The following CSMD1 variants were observed in gnomAD, a reference collection of about 807,000 sequenced individuals.
CSMD1 encodes the protein CUB and sushi domain-containing protein 1.
Under a neutral mutation model 417.5 loss-of-function variants are expected in CSMD1, and 213 were observed. That is an observed-to-expected ratio of 0.51 (90% CI 0.46 to 0.57). The LOEUF is 0.57. Ranked by LOEUF, CSMD1 falls within the 20% of genes least tolerant of loss-of-function variation. The pLI, the probability that CSMD1 is intolerant of heterozygous loss-of-function variation, is 0.00. For missense variants in CSMD1, 6,923 were observed against 4,529.7 expected (o/e 1.53, Z -15.17); for synonymous variants, 2,862 against 1,736.8 (o/e 1.65, Z -16.11).
At chr8:3,040,671 C>T (rs1025191402) in intron 50 of CSMD1, among the ~76,000 whole-genome samples, 9 of 151,846 alleles carry the variant, frequency 5.9e-5, no homozygotes, top group African/African-American at 1.7e-4. Context: ...GGCATGGCGG[C>T]GTGTGCCTGT....
At chr8:4,979,953 G>C (rs1201322035) in intron 1 of CSMD1, among the ~76,000 whole-genome samples, 4 of 152,148 alleles carry the variant, frequency 2.6e-5, no homozygotes, top group Non-Finnish European at 5.9e-5. Flanking sequence ...CAGGAGAATG[G>C]TGTGAACCTG....
intron 3 of CSMD1, among the ~76,000 whole-genome samples, chr8:4,398,478 C>A (rs1804415834): frequency 6.8e-6 from 1 of 147,660 alleles, no homozygotes. Flanking sequence ...ACTGCAACCT[C>A]CTCTCCTGGG....
intron 6 of CSMD1, among the ~76,000 whole-genome samples, chr8:3,729,640 T>C (rs763761731): frequency 3.3e-5 from 5 of 151,794 alleles, no homozygotes; most frequent in Non-Finnish European, 1.5e-5. Flanking sequence ...TGAACTCAAC[T>C]TAGAGGAAGC....
At chr8:3,890,617 T>A (rs1165728859) in intron 5 of CSMD1, among the ~76,000 whole-genome samples, 1 of 152,138 alleles carries the variant, frequency 6.6e-6, no homozygotes, top group Admixed American at 6.6e-5. Context: ...GTGGCATATT[T>A]TTCCGATTTC....
intron 1 of CSMD1, among the ~76,000 whole-genome samples, chr8:4,936,586 G>A (rs372004371): frequency 6.6e-6 from 1 of 152,154 alleles, no homozygotes; most frequent in Admixed American, 6.5e-5. Flanking sequence ...ACCTACCTGT[G>A]AAACACTTTA....
intron 68 of CSMD1, among the ~76,000 whole-genome samples, chr8:2,948,915 A>G (rs905915809): frequency 2.0e-5 from 3 of 151,738 alleles, no homozygotes; most frequent in African/African-American, 7.3e-5. Flanking sequence ...ATATATATGT[A>G]TATTTCTGAA....
intron 1 of CSMD1, among the ~76,000 whole-genome samples, chr8:4,944,703 C>T (rs950595210): frequency 3.9e-5 from 6 of 152,074 alleles, no homozygotes; most frequent in Non-Finnish European, 8.8e-5. Flanking sequence ...CACACCCACG[C>T]AGATGACTAC....
chr8:4,017,950 C>A (rs961738290), intron 4 of CSMD1, among the ~76,000 whole-genome samples: 1 of 152,046 alleles, frequency 6.6e-6, no homozygotes, highest in African/African-American at 2.4e-5. Context: ...ACACAATGGG[C>A]AACTATAGCG....
At chr8:3,478,213 A>G (rs1039920731) in intron 11 of CSMD1, among the ~76,000 whole-genome samples, 1 of 152,252 alleles carries the variant, frequency 6.6e-6, no homozygotes, top group Non-Finnish European at 1.5e-5. Context: ...TACAATCGCT[A>G]TTTTAAATTC....
rs1044919744 is a variant in CSMD1 at position 3,140,745 on chromosome 8, C to T, written c.6241+1720G>A. Among the ~76,000 whole-genome samples the T allele has an allele frequency of 1.3e-5, 2 of 151,820 alleles. 1 individual carries two copies. The highest frequency in any genetic ancestry group is 4.2e-4 in the South Asian group (2 of 4,818). On this transcript the variant is annotated intron_variant, in intron 41 of 69. Coordinates refer to ENST00000635120, the MANE Select transcript of CSMD1 (RefSeq NM_033225.6). Reference sequence around the variant, plus strand: ...TATATTAAAAAAAAAAAAAGTTAGGCTCTAGATTTAACGTTTTCAACCTCA... The same window carrying T: ...TATATTAAAAAAAAAAAAAGTTAGGTTCTAGATTTAACGTTTTCAACCTCA...
chr8:3,643,004 T>C (rs952739613), intron 7 of CSMD1, among the ~76,000 whole-genome samples: 2 of 151,408 alleles, frequency 1.3e-5, no homozygotes, highest in Admixed American at 1.3e-4. Flanking sequence ...AAAAAATAGA[T>C]GTAAGAAATT....
At chr8:3,191,226 G>C (rs908678984) in intron 33 of CSMD1, among the ~76,000 whole-genome samples, 1 of 152,146 alleles carries the variant, frequency 6.6e-6, no homozygotes, top group African/African-American at 2.4e-5. Context: ...AGGCAGAGGA[G>C]GGTGGATCAC....
At chr8:4,459,910 A>C (rs1248122351) in intron 2 of CSMD1, among the ~76,000 whole-genome samples, 1 of 152,212 alleles carries the variant, frequency 6.6e-6, no homozygotes, top group Non-Finnish European at 1.5e-5. Context: ...ATGCCAAATA[A>C]ACAATCAAAC....
intron 3 of CSMD1, among the ~76,000 whole-genome samples, chr8:4,056,858 C>A (rs1296204496): frequency 6.6e-6 from 1 of 152,178 alleles, no homozygotes; most frequent in African/African-American, 2.4e-5. Context: ...CTACAAAGGA[C>A]ATGAAGTCAT....
chr8:4,336,702 G>C (rs995702465), intron 3 of CSMD1, among the ~76,000 whole-genome samples: 1 of 152,124 alleles, frequency 6.6e-6, no homozygotes, highest in African/African-American at 2.4e-5. Context: ...GTAGAGATGA[G>C]GCTGTGTATT....
chr8:4,854,160 A>G (rs1026425791), intron 1 of CSMD1, among the ~76,000 whole-genome samples: 1 of 152,120 alleles, frequency 6.6e-6, no homozygotes, highest in Non-Finnish European at 1.5e-5. Context: ...TTGGCAGGAG[A>G]TGATTCTATT....
chr8:3,357,621 T>G (rs1378594795), intron 21 of CSMD1, among the ~76,000 whole-genome samples: 1 of 152,222 alleles, frequency 6.6e-6, no homozygotes, highest in Non-Finnish European at 1.5e-5. Flanking sequence ...ATCATTATAA[T>G]CAGTAGACTA....
chr8:3,790,940 G>A (rs1392330795), intron 5 of CSMD1, among the ~76,000 whole-genome samples: 3 of 152,110 alleles, frequency 2.0e-5, no homozygotes, highest in Non-Finnish European at 4.4e-5. Flanking sequence ...GATGACACCT[G>A]TCATTTTAAC....
chr8:4,624,767 G>A (rs1248750001), intron 2 of CSMD1, among the ~76,000 whole-genome samples: 3 of 152,136 alleles, frequency 2.0e-5, no homozygotes, highest in African/African-American at 4.8e-5. Flanking sequence ...TGACTCCTGA[G>A]GGTATTCAAG....
Sources: gnomAD v4.1 joint callset for allele counts (sites outside exome capture counted in the v4.1 genomes callset) on GRCh38, gnomAD v4.1.1 for gene constraint, MANE v1.5 for transcripts, NCBI Gene and HGNC (gene_info 2026-07-23, HGNC 2026-07-21) for gene names.